GRID2: variants seen among roughly 807,000 people sequenced by gnomAD.
The protein encoded by GRID2 is glutamate ionotropic receptor delta type subunit 2, also known as glutamate receptor ionotropic, delta-2.
Under a neutral mutation model 114.8 loss-of-function variants are expected in GRID2, and 33 were observed. The observed-to-expected ratio is 0.29, with a 90% CI of 0.22 to 0.38. GRID2 has a LOEUF of 0.38. GRID2 is among the 10% of genes least tolerant of loss of function. GRID2 has a pLI of 1.00. For missense variants in GRID2, 1,184 were observed against 1,257.7 expected, an observed-to-expected ratio of 0.94 and a Z score of 0.89; for synonymous variants, 505 against 449.9, an observed-to-expected ratio of 1.12 and a Z score of -1.55.
At chr4:92,971,193 T>C (rs1040266727) in intron 2 of GRID2, among the ~76,000 whole-genome samples, 3 of 152,084 alleles carry the variant, frequency 2.0e-5, no homozygotes, top group African/African-American at 7.2e-5. Flanking sequence ...TAGAAATAAA[T>C]CTCTGTAGGG....
At chr4:93,801,669 A>C (rs918493438) in intron 1 of GRID2, among the ~76,000 whole-genome samples, 1 of 152,198 alleles carries the variant, frequency 6.6e-6, no homozygotes, top group African/African-American at 2.4e-5. Context: ...TAAAAAAGTA[A>C]ATAGTTAAAG....
chr4:92,536,106 G>A (rs1725615748), intron 1 of GRID2, among the ~76,000 whole-genome samples: 1 of 152,188 alleles, frequency 6.6e-6, no homozygotes, highest in South Asian at 2.1e-4. Flanking sequence ...ACGTGAGCAG[G>A]CTGCCACTGC....
chr4:93,416,920 C>G (rs1262948851), intron 9 of GRID2, among the ~76,000 whole-genome samples: 5 of 152,074 alleles, frequency 3.3e-5, no homozygotes, highest in Non-Finnish European at 7.4e-5. Context: ...CACAGACATT[C>G]TCTGAAAGCT....
At chr4:92,472,742 A>G (rs890182953) in intron 1 of GRID2, among the ~76,000 whole-genome samples, 3 of 152,050 alleles carry the variant, frequency 2.0e-5, no homozygotes, top group African/African-American at 7.2e-5. Flanking sequence ...ATGTCTCTTC[A>G]AAGTTTTGCC....
chr4:92,975,568 G>T (rs1753819649), intron 2 of GRID2, among the ~76,000 whole-genome samples: 1 of 152,122 alleles, frequency 6.6e-6, no homozygotes, highest in Non-Finnish European at 1.5e-5. Context: ...AACTAGTGGT[G>T]ATTCAACCTT....
At chr4:93,389,859 G>C (rs2149321408) in intron 8 of GRID2, among the ~76,000 whole-genome samples, 1 of 151,790 alleles carries the variant, frequency 6.6e-6, no homozygotes, top group Middle Eastern at 3.4e-3. Flanking sequence ...GGCACCCTCG[G>C]CTCACGGCAA....
intron 14 of GRID2, among the ~76,000 whole-genome samples, chr4:93,629,049 G>A (rs777927490): frequency 7.2e-5 from 11 of 152,158 alleles, no homozygotes; most frequent in Non-Finnish European, 1.3e-4. Flanking sequence ...TTACAGGCAT[G>A]AGCCACCGCG....
intron 2 of GRID2, among the ~76,000 whole-genome samples, chr4:92,984,576 T>C (rs1754394495): frequency 6.6e-6 from 1 of 152,194 alleles, no homozygotes; most frequent in Admixed American, 6.5e-5. Context: ...GTTTTCACCA[T>C]AAACCTCCGA....
chr4:93,161,975 A>C (rs2149408549), intron 4 of GRID2, among the ~76,000 whole-genome samples: 1 of 151,990 alleles, frequency 6.6e-6, no homozygotes, highest in East Asian at 1.9e-4. Flanking sequence ...GCAGCAATTT[A>C]GTCAATTTCT....
chr4:93,257,954 T>A (rs180842622), intron 8 of GRID2, among the ~76,000 whole-genome samples: 1 of 147,742 alleles, frequency 6.8e-6, no homozygotes. Flanking sequence ...TATGTATATA[T>A]ACATATACAC....
chr4:92,615,464 C>T (rs1239035139), intron 2 of GRID2, among the ~76,000 whole-genome samples: 5 of 151,528 alleles, frequency 3.3e-5, no homozygotes, highest in Non-Finnish European at 7.4e-5. Flanking sequence ...TTATGGTTAC[C>T]ATTGCATGCA....
chr4:92,582,772 G>C (rs1185011867), intron 1 of GRID2, among the ~76,000 whole-genome samples: 1 of 151,870 alleles, frequency 6.6e-6, no homozygotes, highest in African/African-American at 2.4e-5. Context: ...GAACACTTGA[G>C]CTCAGAAGTT....
intron 8 of GRID2, among the ~76,000 whole-genome samples, chr4:93,289,959 C>T (rs781614082): frequency 1.3e-5 from 2 of 152,172 alleles, no homozygotes; most frequent in Non-Finnish European, 2.9e-5. Flanking sequence ...TTTGACATCA[C>T]TCTTTCTGGC....
chr4:92,813,038 A>G (rs989954961), intron 2 of GRID2, among the ~76,000 whole-genome samples: 4 of 152,104 alleles, frequency 2.6e-5, no homozygotes, highest in African/African-American at 7.2e-5. Context: ...GCTTTTTAAG[A>G]TATGTGTATA....
intron 2 of GRID2, chr4:92,822,507 G>A (rs990062691): frequency 1.8e-5 from 7 of 386,524 alleles, no homozygotes; most frequent in Middle Eastern, 8.5e-4. Context: ...CCTGGACAGT[G>A]TATTTGTATA....
chr4:93,238,842 A>T (rs1747124718), intron 8 of GRID2, among the ~76,000 whole-genome samples: 1 of 151,618 alleles, frequency 6.6e-6, no homozygotes, highest in Admixed American at 6.6e-5. Flanking sequence ...CATGTACAAA[A>T]TCAGAATAAG....
At chr4:92,946,173 G>C (rs561752803) in intron 2 of GRID2, among the ~76,000 whole-genome samples, 25 of 152,018 alleles carry the variant, frequency 1.6e-4, no homozygotes, top group Non-Finnish European at 2.9e-4. Context: ...AATGGCATTT[G>C]GATATGCGAA....
intron 7 of GRID2, among the ~76,000 whole-genome samples, chr4:93,229,901 C>A (rs555496118): frequency 6.6e-6 from 1 of 151,882 alleles, no homozygotes; most frequent in Non-Finnish European, 1.5e-5. Context: ...TAAAAATTAG[C>A]AGTTAATGCT....
At chr4:93,252,329 AT>A (rs56056248) in intron 8 of GRID2, among the ~76,000 whole-genome samples, 158 of 119,738 alleles carry the variant, frequency 1.3e-3, no homozygotes, top group Non-Finnish European at 1.5e-3. Flanking sequence ...GGAATCCTTC[AT>A]TTTTTTTTTT....
Sources: allele counts gnomAD v4.1 joint callset (sites outside exome capture counted in the v4.1 genomes callset), GRCh38; gene constraint gnomAD v4.1.1; transcripts MANE v1.5; gene names NCBI Gene and HGNC (gene_info 2026-07-23, HGNC 2026-07-21).